The following UBE4A variants were observed in gnomAD, a reference collection of about 807,000 sequenced individuals.
UBE4A encodes the protein ubiquitin conjugation factor E4 A.
Under a neutral mutation model 117.9 loss-of-function variants are expected in UBE4A, and 48 were observed. The ratio of observed to expected loss-of-function variants is 0.41; its 90% CI spans 0.32 to 0.52. The LOEUF is 0.52. Ranked by LOEUF, UBE4A falls within the 20% of genes least tolerant of loss-of-function variation. The pLI is 0.33. For synonymous variants in UBE4A, 407 were observed against 450.0 expected (o/e 0.90, Z 1.21); for missense variants, 1,067 against 1,296.3 (o/e 0.82, Z 2.72).
intron 9 of UBE4A, among the ~76,000 whole-genome samples, 198 bp downstream of exon 9, chr11:118,375,427 T>G (rs1343893198): frequency 1.3e-5 from 2 of 152,198 alleles, no homozygotes; most frequent in East Asian, 1.9e-4. Context: ...TGACGCTATC[T>G]TGGCTCACCG....
At chr11:118,382,097 A>G (rs1948710013) in intron 12 of UBE4A, among the ~76,000 whole-genome samples, 1 of 152,226 alleles carries the variant, frequency 6.6e-6, no homozygotes, top group South Asian at 2.1e-4. Context: ...CCTGAGCCGT[A>G]TCAGTGATAA....
At chr11:118,367,243 G>A (rs1225204619) in intron 2 of UBE4A, among the ~76,000 whole-genome samples, 2 of 133,210 alleles carry the variant, frequency 1.5e-5, no homozygotes, top group Admixed American at 7.3e-5. Flanking sequence ...GAGGACAGAA[G>A]TTTAAAAAAA....
intron 19 of UBE4A, 109 bp from the exon 20 acceptor site, chr11:118,396,205 A>T: frequency 7.2e-7 from 1 of 1,395,612 alleles, no homozygotes. Context: ...CAAAGTTATA[A>T]TGCACTCTGG....
intron 19 of UBE4A, among the ~76,000 whole-genome samples, chr11:118,395,225 A>G (rs994046943): frequency 1.9e-4 from 29 of 151,738 alleles, no homozygotes; most frequent in African/African-American, 5.8e-4. Flanking sequence ...GCTACTCGGG[A>G]GGCTGAGGCA....
chr11:118,380,509 G>A (rs1948695630), intron 11 of UBE4A, among the ~76,000 whole-genome samples: 1 of 152,094 alleles, frequency 6.6e-6, no homozygotes, highest in Admixed American at 6.6e-5. Context: ...TTGAGCCCAG[G>A]AAGTTGAGGC....
At chr11:118,380,211 A>G (rs1409412244) in intron 11 of UBE4A, among the ~76,000 whole-genome samples, 1 of 150,266 alleles carries the variant, frequency 6.7e-6, no homozygotes, top group African/African-American at 2.5e-5. Flanking sequence ...GGTGTTGTCA[A>G]TCTAATCAGG....
intron 16 of UBE4A, 51 bp downstream of exon 16, chr11:118,386,663 G>T: frequency 2.0e-6 from 3 of 1,471,680 alleles, no homozygotes; most frequent in Non-Finnish European, 2.7e-6. Flanking sequence ...GCCAAGATCA[G>T]CTTCACTTGG....
intron 9 of UBE4A, among the ~76,000 whole-genome samples, chr11:118,376,231 A>G (rs1279987511): frequency 2.0e-5 from 3 of 152,226 alleles, no homozygotes; most frequent in Admixed American, 6.5e-5. Context: ...TAATTTTGGT[A>G]TATTTCATTC....
chr11:118,388,378 C>T (rs782051353), intron 16 of UBE4A, among the ~76,000 whole-genome samples: 4 of 152,178 alleles, frequency 2.6e-5, no homozygotes, highest in Admixed American at 2.0e-4. Context: ...AGGCCAGGCA[C>T]GGTGGCTCAC....
intron 2 of UBE4A, among the ~76,000 whole-genome samples, chr11:118,366,305 T>C (rs1185442495): frequency 2.0e-5 from 3 of 151,786 alleles, no homozygotes; most frequent in Non-Finnish European, 4.4e-5. Flanking sequence ...GAGTGAAAAA[T>C]AGGAAAAATA....
rs998335368 is a variant in UBE4A, at chr11:118,359,622, C to A, written c.-94C>A. On this transcript the variant is annotated 5_prime_UTR_variant, in exon 1 of 20. Coordinates refer to ENST00000252108, the MANE Select transcript of UBE4A (RefSeq NM_001204077.2). ...GCTGTGCTGAGTCGGAAGTGGGAAC[C>A]CTTCGGCCGCTGAGATTCTGTCGTG... 6.6e-6 allele frequency: 1 copy of A among 152,230 alleles called. No homozygotes were observed. Among genetic ancestry groups the A allele is most frequent in the South Asian group, 2.1e-4 (1 of 4,838 alleles). 9.4% of individuals were successfully genotyped at this position (152,230 alleles called of 1,614,324 possible). A position where few individuals can be genotyped will look rare whatever the true frequency, so the allele number is the denominator to read the frequency against.
chr11:118,381,463 C>T lies in UBE4A; in HGVS notation c.1949C>T (p.Ser650Leu). 1 of 1,614,180 alleles carries T rather than the reference C, an allele frequency of 6.2e-7. No individual in the cohort carries two copies. The highest frequency in any genetic ancestry group is 8.5e-7 in the Non-Finnish European group (1 of 1,180,032). The change falls in exon 12 of 20, where the codon TCA becomes TTA. Residue 650 changes from serine to leucine, a missense_variant. Coordinates refer to ENST00000252108, the MANE Select transcript of UBE4A (RefSeq NM_001204077.2). ...RRFADDILETSADSLEHVLHF... is the reference protein window; with the variant it reads ...RRFADDILETLADSLEHVLHF... ...TTTGCCGATGACATTTTGGAGACAT[C>T]AGCAGATTCCCTGGAGCATGTCCTT...
chr11:118,384,945 GGT>G lies in UBE4A; in HGVS notation c.2412+1_2412+2del. 1 of 1,105,444 alleles carries G rather than the reference GGT, an allele frequency of 9.0e-7. No homozygotes were observed. The highest frequency in any genetic ancestry group is 1.3e-6 in the Non-Finnish European group (1 of 787,254). The allele number at this position is 1,105,444 out of a possible 1,614,324, so 68.5% of individuals were successfully genotyped here. On this transcript the variant is annotated splice_donor_variant, in intron 15 of 19. Transcript: ENST00000252108. LOFTEE classifies it high-confidence loss of function. ...TCTTCCTTTTGGATGAAGCCATACA[GGT>G]AAAAAAAAAAAAAAAAAAAAAGATT...
Position 118,381,543 on chromosome 11 carries a change from G to A in UBE4A, c.2009+20G>A. On this transcript the variant is annotated intron_variant, in intron 12 of 19. Coordinates refer to ENST00000252108, the MANE Select transcript of UBE4A (RefSeq NM_001204077.2). ...AGAAAGGTGAAGTGCTGAAAGCTTGGTTCTGTCACTGTTTAGGCTGTAAAA... is the reference window on the plus strand; with the variant it reads ...AGAAAGGTGAAGTGCTGAAAGCTTGATTCTGTCACTGTTTAGGCTGTAAAA... 6.2e-7 allele frequency: 1 copy of A among 1,612,844 alleles called. No homozygotes were observed. Among genetic ancestry groups the A allele is most frequent in the Non-Finnish European group, 8.5e-7 (1 of 1,179,374 alleles).
chr11:118,366,807 G>A (rs1373225740), intron 2 of UBE4A, among the ~76,000 whole-genome samples: 4 of 152,222 alleles, frequency 2.6e-5, no homozygotes, highest in Non-Finnish European at 5.9e-5. Flanking sequence ...AGTGGCTCGC[G>A]CCTGTAATCC....
intron 15 of UBE4A, 100 bp from the exon 16 acceptor site, chr11:118,386,338 C>A: frequency 7.7e-7 from 1 of 1,305,338 alleles, no homozygotes; most frequent in Non-Finnish European, 1.0e-6. Flanking sequence ...CCCTCGTTTT[C>A]CCAGCTTAGT....
At chr11:118,386,815 C>G (rs1489579998) in intron 16 of UBE4A, among the ~76,000 whole-genome samples, 2 of 152,194 alleles carry the variant, frequency 1.3e-5, no homozygotes, top group Admixed American at 6.5e-5. Context: ...TGGTCACCCT[C>G]ACACAGCTGC....
intron 16 of UBE4A, among the ~76,000 whole-genome samples, chr11:118,388,642 C>CT (rs375391412): frequency 9.8e-5 from 14 of 143,344 alleles, no homozygotes; most frequent in African/African-American, 2.5e-4. Context: ...GAATGAGACT[C>CT]TATCTCAAAA....
chr11:118,399,069 C>T lies in UBE4A; in HGVS notation c.*2629C>T, dbSNP rs1555130363. The T allele has an allele frequency of 2.2e-6, 1 of 456,340 alleles. No individual in the cohort carries two copies. The highest frequency in any genetic ancestry group is 1.6e-5 in the South Asian group (1 of 64,504). 28.3% of individuals were successfully genotyped at this position (456,340 alleles called of 1,614,324 possible). A position where few individuals can be genotyped will look rare whatever the true frequency, so the allele number is the denominator to read the frequency against. On this transcript the variant is annotated 3_prime_UTR_variant, in exon 20 of 20. Transcript: ENST00000252108. ...GCTCAACAGGAAATGAACCTAGAAA[C>T]AGAAAATGAAAAGGTTGATTGAAAT...
Sources: allele counts gnomAD v4.1 joint callset (sites outside exome capture counted in the v4.1 genomes callset), GRCh38; gene constraint gnomAD v4.1.1; transcripts MANE v1.5; gene names NCBI Gene and HGNC (gene_info 2026-07-23, HGNC 2026-07-21).